Variants in VPS41 observed in about 807,000 individuals in gnomAD.
The protein encoded by VPS41 is vacuolar protein sorting-associated protein 41 homolog.
Under a neutral mutation model 130.9 loss-of-function variants are expected in VPS41, and 85 were observed. The observed-to-expected ratio is 0.65, with a 90% CI of 0.55 to 0.78. The LOEUF is 0.78. VPS41 is among the 30% of genes least tolerant of loss of function. The probability of loss-of-function intolerance (pLI) is 0.00; values close to 1 mark genes in which losing one functional copy is unlikely to be tolerated. For synonymous variants in VPS41, 335 were observed against 332.9 expected (o/e 1.01, Z -0.07); for missense variants, 874 against 1,018.7 (o/e 0.86, Z 1.93).
At chr7:38,750,876 C>T (rs192190571) in intron 22 of VPS41, among the ~76,000 whole-genome samples, 9 of 152,292 alleles carry the variant, frequency 5.9e-5, no homozygotes, top group East Asian at 1.9e-4. Context: ...CTGCCACATC[C>T]TCTCTGAAAT....
At chr7:38,727,956 T>C (rs1191317103) in intron 27 of VPS41, among the ~76,000 whole-genome samples, 3 of 152,230 alleles carry the variant, frequency 2.0e-5, no homozygotes, top group Non-Finnish European at 4.4e-5. Context: ...TTATGTCTTT[T>C]AAAGACTCAC....
Position 38,826,659 on chromosome 7 carries a change from G to A in VPS41, c.321+3595C>T, listed in dbSNP as rs79610395. 3.1e-3 allele frequency among the ~76,000 whole-genome samples: 471 copies of A among 152,142 alleles called. 5 individuals are homozygous for A. Among genetic ancestry groups the A allele is most frequent in the African/African-American group, 0.011 (447 of 41,490 alleles). On this transcript the variant is annotated intron_variant, in intron 5 of 28. Transcript: ENST00000310301. ...ACTGTTATTATCCCCATTTTACAGG[G>A]GAGGAAATGGGCTGAGGTAGAGAGA... is the stretch of plus-strand genomic sequence containing the variant.
At chr7:38,906,996 A>C (rs1787282175) in intron 1 of VPS41, among the ~76,000 whole-genome samples, 1 of 152,092 alleles carries the variant, frequency 6.6e-6, no homozygotes. Flanking sequence ...GCAATATTCT[A>C]GGTATTGGAC....
chr7:38,785,347 T>C (rs749017281), intron 10 of VPS41, among the ~76,000 whole-genome samples: 1 of 152,164 alleles, frequency 6.6e-6, no homozygotes, highest in South Asian at 2.1e-4. Context: ...TGAAGTGAAA[T>C]TGAAAAGAAT....
chr7:38,838,010 G>A (rs1013360156), intron 4 of VPS41, among the ~76,000 whole-genome samples: 2 of 152,016 alleles, frequency 1.3e-5, no homozygotes, highest in African/African-American at 4.8e-5. Context: ...GCATATTTTT[G>A]AGTGATAACT....
At chr7:38,790,805 A>C (rs1258206580) in intron 9 of VPS41, among the ~76,000 whole-genome samples, 1 of 152,204 alleles carries the variant, frequency 6.6e-6, no homozygotes, top group East Asian at 1.9e-4. Context: ...TGAATGTACT[A>C]TACTTAATCA....
At chr7:38,855,016 C>G (rs756583509) in intron 4 of VPS41, among the ~76,000 whole-genome samples, 1 of 151,784 alleles carries the variant, frequency 6.6e-6, no homozygotes, top group Non-Finnish European at 1.5e-5. Context: ...CGAGACCATC[C>G]TAGCCAACAT....
intron 2 of VPS41, among the ~76,000 whole-genome samples, chr7:38,882,387 A>T (rs903644705): frequency 6.6e-6 from 1 of 152,112 alleles, no homozygotes; most frequent in African/African-American, 2.4e-5. Flanking sequence ...GATCTCTAAA[A>T]TGTGGTAGCA....
At chr7:38,750,812 A>G (rs1197678575) in intron 22 of VPS41, among the ~76,000 whole-genome samples, 1 of 140,488 alleles carries the variant, frequency 7.1e-6, no homozygotes, top group East Asian at 1.9e-4. Context: ...AAGGGCTGTT[A>G]ATCACCCACA....
chr7:38,901,604 A>G (rs1787147823), intron 1 of VPS41, among the ~76,000 whole-genome samples: 1 of 152,246 alleles, frequency 6.6e-6, no homozygotes, highest in African/African-American at 2.4e-5. Context: ...AGCCATCGTG[A>G]GAGATCTGCC....
rs149864808 is a variant in VPS41, at chr7:38,740,169, T to C, written c.2259+1816A>G. Reference sequence around the variant, plus strand: ...TACAGCTGAAAGGCAGAGGGATAATTATTTACTACTTCCCTTGGGGGAGGG... The same window carrying C: ...TACAGCTGAAAGGCAGAGGGATAATCATTTACTACTTCCCTTGGGGGAGGG... On this transcript the variant is annotated intron_variant, in intron 25 of 28. Transcript: ENST00000310301. Among the ~76,000 whole-genome samples the C allele has an allele frequency of 3.1e-3, 474 of 152,274 alleles. 2 individuals are homozygous for C. Among genetic ancestry groups the C allele is most frequent in the Non-Finnish European group, 4.1e-3 (281 of 68,022 alleles).
chr7:38,818,617 G>A (rs1352626882), intron 6 of VPS41, among the ~76,000 whole-genome samples: 2 of 152,110 alleles, frequency 1.3e-5, no homozygotes, highest in Non-Finnish European at 2.9e-5. Flanking sequence ...AAAAGCCCTC[G>A]TGGCTCCACT....
intron 25 of VPS41, among the ~76,000 whole-genome samples, chr7:38,732,099 T>C (rs1795675869): frequency 1.3e-5 from 2 of 152,156 alleles, no homozygotes; most frequent in South Asian, 4.1e-4. Context: ...AAAAAACCCC[T>C]TGCTTCCCGC....
In VPS41 at chr7:38,772,579, G is replaced by A; in HGVS notation, c.1071C>T (p.Ala357=). 6.2e-7 allele frequency: 1 copy of A among 1,613,510 alleles called. No individual in the cohort carries two copies. Among genetic ancestry groups the A allele is most frequent in the Non-Finnish European group, 8.5e-7 (1 of 1,179,664 alleles). ...TGTGATCATCTTGGTCTCGTTCCTT[G>A]GCCACTACAACATCTCTCGGACTCA... ...YIVSPRDVVV[A]KERDQDDHID... Residue 357 remains alanine, a synonymous_variant, in exon 13 of 29, where the codon GCC becomes GCT. Transcript: ENST00000310301.
intron 8 of VPS41, 95 bp from the exon 9 acceptor site, chr7:38,795,706 A>G: frequency 8.8e-7 from 1 of 1,134,256 alleles, no homozygotes; most frequent in Non-Finnish European, 1.2e-6. Context: ...AATAACCAGC[A>G]CGGAGAAATA....
intron 7 of VPS41, among the ~76,000 whole-genome samples, chr7:38,801,953 C>A (rs1268913889): frequency 6.6e-6 from 1 of 152,164 alleles, no homozygotes; most frequent in Admixed American, 6.5e-5. Flanking sequence ...ATGGAATCTA[C>A]TCCAATCTCA....
At chr7:38,740,088 C>T (rs114020984) in intron 25 of VPS41, among the ~76,000 whole-genome samples, 1 of 152,104 alleles carries the variant, frequency 6.6e-6, no homozygotes, top group Non-Finnish European at 1.5e-5. Flanking sequence ...GCAGTCATTG[C>T]GGAGGCTGGC....
chr7:38,763,546 G>A lies in VPS41; in HGVS notation c.1331C>T (p.Ala444Val). Residue 444 changes from alanine (A) to valine (V), a missense_variant and splice_region_variant, in exon 17 of 29, where the codon GCT becomes GTT. Coordinates refer to ENST00000310301, the MANE Select transcript of VPS41 (RefSeq NM_014396.4). ...YKFKEIGQLK[A>V]ISPYLPRGDP... is the part of the protein sequence containing the mutation. ...ACCTCTTGGCAAATAAGGACTAATA[G>A]CCTAGGTAAGGAAAAGGGAAAAAAA... 1 of 1,583,938 alleles carries A rather than the reference G, an allele frequency of 6.3e-7. No individual in the cohort carries two copies. The highest frequency in any genetic ancestry group is 2.3e-5 in the East Asian group (1 of 44,220).
chr7:38,848,318 A>T (rs1185475855), intron 4 of VPS41, among the ~76,000 whole-genome samples: 1 of 152,126 alleles, frequency 6.6e-6, no homozygotes, highest in Admixed American at 6.6e-5. Flanking sequence ...CCTCCCAAAT[A>T]AACACAGGAG....
Sources: allele counts gnomAD v4.1 joint callset (sites outside exome capture counted in the v4.1 genomes callset), GRCh38; gene constraint gnomAD v4.1.1; transcripts MANE v1.5; gene names NCBI Gene and HGNC (gene_info 2026-07-23, HGNC 2026-07-21).